Variants in ATP2B2 observed in about 807,000 individuals in gnomAD.
ATP2B2 encodes plasma membrane calcium-transporting ATPase 2.
ATP2B2 carries 15 observed loss-of-function variants against 120.0 expected under a neutral mutation model. The ratio of observed to expected loss-of-function variants is 0.12; its 90% CI spans 0.08 to 0.19. ATP2B2 has a LOEUF of 0.19. Among genes scored for constraint, ATP2B2 ranks in the 10% least tolerant of loss-of-function variants. ATP2B2 has a pLI of 1.00. For synonymous variants in ATP2B2, 694 were observed against 700.3 expected, an observed-to-expected ratio of 0.99 and a Z score of 0.14; for missense variants, 1,045 against 1,719.8, an observed-to-expected ratio of 0.61 and a Z score of 6.94.
chr3:10,636,566 C>T (rs1048388953), intron 1 of ATP2B2, among the ~76,000 whole-genome samples: 2 of 152,170 alleles, frequency 1.3e-5, no homozygotes, highest in African/African-American at 4.8e-5. Context: ...ACCAGATTTG[C>T]CCTCTCACCT....
Position 10,340,778 on chromosome 3 carries a change from T to TG in ATP2B2, c.2918-75dup. 1 of 1,461,972 alleles carries TG rather than the reference T, an allele frequency of 6.8e-7. No individual in the cohort carries two copies. Among genetic ancestry groups the TG allele is most frequent in the Non-Finnish European group, 9.6e-7 (1 of 1,046,162 alleles). 90.6% of individuals were successfully genotyped at this position (1,461,972 alleles called of 1,614,324 possible). Reference sequence around the variant, plus strand: ...CAGAGGGGAGATGCCTGGCCTTTCGTGGGGGCCTCTTCTGAGCAGTGACGT... The same window carrying TG: ...CAGAGGGGAGATGCCTGGCCTTTCGTGGGGGGCCTCTTCTGAGCAGTGACGT... On this transcript the variant is annotated intron_variant, in intron 19 of 22. Coordinates refer to ENST00000360273, the MANE Select transcript of ATP2B2 (RefSeq NM_001001331.4). The surrounding 1 kb of genome is among the most constrained non-coding windows in gnomAD (Gnocchi z 5.0).
chr3:10,489,216 C>A (rs1204323131), intron 1 of ATP2B2, among the ~76,000 whole-genome samples: 1 of 152,146 alleles, frequency 6.6e-6, no homozygotes, highest in Non-Finnish European at 1.5e-5. Flanking sequence ...CCCTCTTCAT[C>A]TCCCTTCATC....
chr3:10,648,546 G>C (rs896441993), intron 1 of ATP2B2, among the ~76,000 whole-genome samples: 1 of 152,128 alleles, frequency 6.6e-6, no homozygotes, highest in Admixed American at 6.5e-5. Flanking sequence ...CAGAGCCCCA[G>C]TTTCTTAATT....
At chr3:10,377,722 A>C (rs768923763) in intron 10 of ATP2B2, among the ~76,000 whole-genome samples, 2 of 152,206 alleles carry the variant, frequency 1.3e-5, no homozygotes, top group Non-Finnish European at 2.9e-5. Context: ...CAGGGTGGTC[A>C]TGATAAAGCC....
intron 13 of ATP2B2, 151 bp from the exon 14 acceptor site, chr3:10,359,076 C>G (rs531415045): frequency 1.3e-6 from 1 of 787,514 alleles, no homozygotes; most frequent in African/African-American, 1.7e-5. Flanking sequence ...TGAAATCAAG[C>G]ATTCGTCCTG....
At chr3:10,596,683 C>T (rs1270797634) in intron 2 of ATP2B2, among the ~76,000 whole-genome samples, 1 of 152,192 alleles carries the variant, frequency 6.6e-6, no homozygotes, top group Non-Finnish European at 1.5e-5. Flanking sequence ...TTTGCTCCTC[C>T]CTGGCTTAGT....
intron 8 of ATP2B2, among the ~76,000 whole-genome samples, chr3:10,383,347 A>AAGAC (rs2061584498): frequency 6.6e-6 from 1 of 152,158 alleles, no homozygotes; most frequent in Non-Finnish European, 1.5e-5. Context: ...GTGACTCTGT[A>AAGAC]ACTCTCCGCT....
intron 5 of ATP2B2, among the ~76,000 whole-genome samples, chr3:10,392,590 C>A (rs765494425): frequency 9.9e-5 from 15 of 152,248 alleles, no homozygotes; most frequent in Non-Finnish European, 1.6e-4. Flanking sequence ...GGGATGGAGG[C>A]CCTGATAGGG....
chr3:10,698,714 C>T (rs1026667432), intron 1 of ATP2B2, among the ~76,000 whole-genome samples: 4 of 152,296 alleles, frequency 2.6e-5, no homozygotes, highest in South Asian at 2.1e-4. Flanking sequence ...ACTGGAGGCA[C>T]GAGCCAGCCT....
At chr3:10,331,124 G>A (rs947415179) in intron 22 of ATP2B2, among the ~76,000 whole-genome samples, 4 of 152,204 alleles carry the variant, frequency 2.6e-5, no homozygotes, top group African/African-American at 9.7e-5. Flanking sequence ...GAGGCAACAA[G>A]TGCCAAATAA....
intron 12 of ATP2B2, among the ~76,000 whole-genome samples, chr3:10,360,762 G>A (rs1176149148): frequency 3.3e-5 from 5 of 152,186 alleles, no homozygotes; most frequent in African/African-American, 1.2e-4. Flanking sequence ...AGAGTTCACC[G>A]GCTTTACATG....
At chr3:10,381,507 C>G (rs968915237) in intron 8 of ATP2B2, among the ~76,000 whole-genome samples, 4 of 152,102 alleles carry the variant, frequency 2.6e-5, no homozygotes, top group African/African-American at 9.7e-5. Context: ...AGAGTGAACA[C>G]GTGATCAGAA....
chr3:10,452,720 C>T (rs987178672), intron 1 of ATP2B2, among the ~76,000 whole-genome samples: 4 of 151,974 alleles, frequency 2.6e-5, no homozygotes, highest in East Asian at 1.9e-4. Context: ...GAGGGGTGAG[C>T]GCTGGGGAGG....
At chr3:10,469,000 C>T (rs1166626901) in intron 1 of ATP2B2, among the ~76,000 whole-genome samples, 16 of 151,874 alleles carry the variant, frequency 1.1e-4, no homozygotes, top group East Asian at 2.0e-4. Flanking sequence ...CGTCTCCACA[C>T]GAGCTGAGTA....
intron 3 of ATP2B2, among the ~76,000 whole-genome samples, chr3:10,403,401 G>A (rs551502370): frequency 1.3e-5 from 2 of 152,310 alleles, no homozygotes; most frequent in East Asian, 1.9e-4. Flanking sequence ...CCAGGCCCAC[G>A]GGGTGAACAG....
At position 10,386,794 on chromosome 3, in the gene ATP2B2, C is replaced by T. The variant is rs553051593; in HGVS notation, c.908-282G>A. On this transcript the variant is annotated intron_variant, in intron 6 of 22. Coordinates refer to ENST00000360273, the MANE Select transcript of ATP2B2 (RefSeq NM_001001331.4). ...CTCTGCCACATCCCTTCCACATTCC[C>T]CATCTTCCTTCTACATGAGGCTATT... Among the ~76,000 whole-genome samples, 352 of 152,326 alleles carry T rather than the reference C, an allele frequency of 2.3e-3. 1 individual carries two copies. Among genetic ancestry groups the T allele is most frequent in the African/African-American group, 8.3e-3 (344 of 41,570 alleles).
chr3:10,625,985 A>AT (rs993539342), intron 1 of ATP2B2: 2 of 151,960 alleles, frequency 1.3e-5, no homozygotes, highest in South Asian at 2.1e-4. Context: ...AGCTGTTACC[A>AT]TTTTTTTCCC....
chr3:10,436,430 C>A (rs2063482921), intron 2 of ATP2B2, among the ~76,000 whole-genome samples: 1 of 152,202 alleles, frequency 6.6e-6, no homozygotes. Flanking sequence ...GTGGTATTTA[C>A]ACCAAGGAAA....
intron 2 of ATP2B2, among the ~76,000 whole-genome samples, chr3:10,560,920 C>T (rs542543980): frequency 6.6e-5 from 10 of 152,170 alleles, no homozygotes; most frequent in African/African-American, 1.9e-4. Flanking sequence ...GCACAAGACT[C>T]GTTCCCACCC....
Sources: gnomAD v4.1 joint callset for allele counts (sites outside exome capture counted in the v4.1 genomes callset) on GRCh38, gnomAD v4.1.1 for gene constraint, Gnocchi (gnomAD v3.1) non-coding constraint, MANE v1.5 for transcripts, NCBI Gene and HGNC (gene_info 2026-07-23, HGNC 2026-07-21) for gene names.